TBC1D8: variants seen among roughly 807,000 people sequenced by gnomAD.
TBC1D8 encodes the protein BUB2-like protein 1.
TBC1D8 carries 65 observed loss-of-function variants against 118.8 expected under a neutral mutation model. The ratio of observed to expected loss-of-function variants is 0.55; its 90% confidence interval spans 0.45 to 0.67. TBC1D8 has a LOEUF of 0.67. Among genes scored for constraint, TBC1D8 ranks in the 30% least tolerant of loss-of-function variants. The pLI is 0.00. For missense variants in TBC1D8, 1,376 were observed against 1,471.2 expected (o/e 0.94, Z 1.06); for synonymous variants, 566 against 595.8 (o/e 0.95, Z 0.73).
In TBC1D8 at chr2:101,008,084, A is replaced by G; in HGVS notation, c.3205T>C (p.Ser1069Pro). ...CGEELRASAP[S>P]PEDSVFADTG... ...TCTGCAAAAACCGAGTCCTCAGGAG[A>G]AGGAGCTGAAGCCCGCAGCTCCTCC... is the stretch of plus-strand genomic sequence containing the variant. The change falls in exon 20 of 20, where the codon TCT becomes CCT. Residue 1069 changes from serine (S) to proline (P), a missense_variant. By Grantham distance (74) the Ser-to-Pro change is moderately conservative. Transcript: ENST00000409318. 1 of 1,613,864 alleles carries G rather than the reference A, an allele frequency of 6.2e-7. No individual in the cohort carries two copies. The highest frequency in any genetic ancestry group is 1.1e-5 in the South Asian group (1 of 91,062).
At chr2:101,098,219 C>G (rs906920283) in intron 1 of TBC1D8, among the ~76,000 whole-genome samples, 1 of 151,986 alleles carries the variant, frequency 6.6e-6, no homozygotes. Flanking sequence ...ATGGTGAAAC[C>G]CCATTTCTAT....
intron 1 of TBC1D8, among the ~76,000 whole-genome samples, chr2:101,102,022 T>C (rs1351567381): frequency 6.8e-6 from 1 of 146,980 alleles, no homozygotes; most frequent in Non-Finnish European, 1.5e-5. Context: ...GTTGGTTTTT[T>C]TTAGAAGAGA....
intron 5 of TBC1D8, among the ~76,000 whole-genome samples, chr2:101,048,200 CA>C (rs1681830084): frequency 6.6e-6 from 1 of 152,208 alleles, no homozygotes. Context: ...GGGCTTCCTG[CA>C]ACTTTCCCAT....
intron 2 of TBC1D8, among the ~76,000 whole-genome samples, chr2:101,066,559 G>A (rs898410624): frequency 1.3e-5 from 2 of 152,134 alleles, no homozygotes; most frequent in Non-Finnish European, 2.9e-5. Flanking sequence ...CATATGTACA[G>A]ACATACCTCA....
At chr2:101,116,152 T>G (rs1462110378) in intron 1 of TBC1D8, among the ~76,000 whole-genome samples, 2 of 152,200 alleles carry the variant, frequency 1.3e-5, no homozygotes, top group Non-Finnish European at 2.9e-5. Flanking sequence ...CCAAGTTTCT[T>G]TCTGGTAATG....
intron 1 of TBC1D8, among the ~76,000 whole-genome samples, chr2:101,097,541 G>A (rs900439476): frequency 2.6e-4 from 37 of 143,762 alleles, no homozygotes; most frequent in African/African-American, 9.1e-4. Context: ...AGAAGACTTG[G>A]AAATACTCTG....
chr2:101,033,111 G>A (rs956107507), intron 10 of TBC1D8, among the ~76,000 whole-genome samples: 1 of 144,308 alleles, frequency 6.9e-6, no homozygotes, highest in Non-Finnish European at 1.5e-5. Context: ...CTCTTTTCAG[G>A]CACTCGGTAA....
In TBC1D8 at chr2:101,022,294, A is replaced by G; in HGVS notation, c.2748T>C (p.Phe916=). 2.5e-6 allele frequency: 4 copies of G among 1,613,592 alleles called. No individual in the cohort carries two copies. The highest frequency in any genetic ancestry group is 1.1e-5 in the South Asian group (1 of 90,958). ...ACAGAGGCATACCGAGGCAGCTCAC[A>G]AACGCTTTGAACTCGATGAGCTGGT... ...NMDQLIEFKA[F]VSCLDIMYNG... is the part of the protein sequence containing the mutation. Residue 916 remains phenylalanine, a synonymous_variant, in exon 16 of 20, where the codon TTT becomes TTC. Transcript: ENST00000409318.
chr2:101,037,019 C>T (rs1681051759), intron 8 of TBC1D8, among the ~76,000 whole-genome samples: 1 of 152,222 alleles, frequency 6.6e-6, no homozygotes, highest in Non-Finnish European at 1.5e-5. Context: ...AGCACCCTGC[C>T]TGCCATGGCC....
chr2:101,008,977 A>G (rs911515218), intron 19 of TBC1D8, among the ~76,000 whole-genome samples: 2 of 152,234 alleles, frequency 1.3e-5, no homozygotes. Context: ...ATGAAATGGA[A>G]GAGTGATGCC....
intron 17 of TBC1D8, among the ~76,000 whole-genome samples, chr2:101,014,570 G>A (rs528137534): frequency 3.9e-5 from 6 of 152,282 alleles, no homozygotes; most frequent in Admixed American, 1.3e-4. Context: ...AATCCTGGCT[G>A]GATTCATCAT....
chr2:101,134,356 T>TA (rs1314814012), intron 1 of TBC1D8, among the ~76,000 whole-genome samples: 9 of 152,172 alleles, frequency 5.9e-5, no homozygotes, highest in Non-Finnish European at 8.8e-5. Flanking sequence ...TTGCCTAAGT[T>TA]AGAGTCTTTA....
chr2:101,031,747 C>G (rs1306168714), intron 11 of TBC1D8, among the ~76,000 whole-genome samples: 1 of 152,148 alleles, frequency 6.6e-6, no homozygotes, highest in Non-Finnish European at 1.5e-5. Context: ...AAGTGGAGGA[C>G]TTTTCCAAGT....
chr2:101,011,686 G>A (rs1679225836), intron 17 of TBC1D8, 146 bp from the exon 18 acceptor site: 5 of 687,400 alleles, frequency 7.3e-6, no homozygotes, highest in South Asian at 7.2e-5. Flanking sequence ...GAACCCAAAT[G>A]CACACCAAGC....
intron 2 of TBC1D8, 129 bp downstream of exon 2, chr2:101,090,080 G>T (rs575287901): frequency 1.1e-6 from 1 of 889,684 alleles, no homozygotes; most frequent in Non-Finnish European, 1.7e-6. Context: ...TGGAGGGGAG[G>T]GGAGTTAAGT....
intron 7 of TBC1D8, 102 bp from the exon 8 acceptor site, chr2:101,037,810 T>G: frequency 7.0e-7 from 1 of 1,420,230 alleles, no homozygotes; most frequent in African/African-American, 1.4e-5. Flanking sequence ...TGCACGGGCA[T>G]AGCAGACTTC....
intron 3 of TBC1D8, among the ~76,000 whole-genome samples, chr2:101,059,100 G>A (rs1483053775): frequency 1.3e-5 from 2 of 151,716 alleles, no homozygotes; most frequent in Non-Finnish European, 2.9e-5. Context: ...GTACAGATGG[G>A]GTTTTACCGT....
At chr2:101,126,193 C>T (rs896928525) in intron 1 of TBC1D8, among the ~76,000 whole-genome samples, 8 of 152,082 alleles carry the variant, frequency 5.3e-5, no homozygotes, top group Admixed American at 2.0e-4. Context: ...GGAGATGGTG[C>T]CAGGCTCTTT....
At chr2:101,025,703 CTCTA>C in intron 15 of TBC1D8, among the ~76,000 whole-genome samples, 1 of 152,332 alleles carries the variant, frequency 6.6e-6, no homozygotes, top group African/African-American at 2.4e-5. Flanking sequence ...ACCAAATGCT[CTCTA>C]GAGCACAATA....
Sources: gnomAD v4.1 joint callset for allele counts (sites outside exome capture counted in the v4.1 genomes callset) on GRCh38, gnomAD v4.1.1 for gene constraint, MANE v1.5 for transcripts, NCBI Gene and HGNC (gene_info 2026-07-23, HGNC 2026-07-21) for gene names.